ZNF438: variants seen among roughly 807,000 people sequenced by gnomAD.
ZNF438 encodes zinc finger protein 438.
ZNF438 carries 25 observed loss-of-function variants against 38.0 expected under a neutral mutation model. The observed-to-expected ratio is 0.66, with a 90% CI of 0.48 to 0.92. The LOEUF (loss-of-function observed/expected upper bound fraction) is 0.92. ZNF438 is among the 40% of genes least tolerant of loss of function. The pLI, the probability that ZNF438 is intolerant of heterozygous loss-of-function variation, is 0.00. For missense variants in ZNF438, 1,007 were observed against 999.6 expected (o/e 1.01, Z -0.10); for synonymous variants, 372 against 364.1 (o/e 1.02, Z -0.25).
intron 1 of ZNF438, among the ~76,000 whole-genome samples, chr10:30,950,733 A>C (rs967699324): frequency 2.9e-5 from 4 of 139,614 alleles, no homozygotes; most frequent in Non-Finnish European, 6.2e-5. Context: ...CAATAACAGG[A>C]TCTGATACTG....
At chr10:30,870,483 CGGT>C (rs1305826697) in intron 4 of ZNF438, among the ~76,000 whole-genome samples, 1 of 151,686 alleles carries the variant, frequency 6.6e-6, no homozygotes, top group Non-Finnish European at 1.5e-5. Flanking sequence ...TGTTTACTTA[CGGT>C]CTCCAGCATA....
chr10:30,995,954 A>G (rs918152348), intron 1 of ZNF438, among the ~76,000 whole-genome samples: 9 of 152,214 alleles, frequency 5.9e-5, no homozygotes, highest in Non-Finnish European at 1.2e-4. Context: ...AGGTACATCA[A>G]TAATAGCAGA....
intron 4 of ZNF438, among the ~76,000 whole-genome samples, chr10:30,871,451 G>A (rs991644635): frequency 1.3e-5 from 2 of 152,100 alleles, no homozygotes; most frequent in African/African-American, 2.4e-5. Context: ...ATGCCAGGAC[G>A]CTTTAAATCC....
At chr10:31,009,842 CTTTTTTTTTTTTT>C (rs34508005) in intron 1 of ZNF438, among the ~76,000 whole-genome samples, 1 of 116,312 alleles carries the variant, frequency 8.6e-6, no homozygotes, top group East Asian at 3.0e-4. Context: ...CTTATCAATT[CTTTTTTTTTTTTT>C]TTTTTTTTGA....
At chr10:30,876,937 C>A in intron 4 of ZNF438, 61 bp downstream of exon 5, 1 of 1,328,888 alleles carries the variant, frequency 7.5e-7, no homozygotes, top group African/African-American at 1.5e-5. Flanking sequence ...CAATGACATT[C>A]AATGTATCAA....
chr10:30,992,023 G>C (rs1311485571), intron 1 of ZNF438, among the ~76,000 whole-genome samples: 1 of 152,228 alleles, frequency 6.6e-6, no homozygotes, highest in Admixed American at 6.5e-5. Flanking sequence ...CTCAAGGCTT[G>C]CTTCGCTCAG....
At chr10:30,964,580 CTG>C (rs2049908046) in intron 1 of ZNF438, among the ~76,000 whole-genome samples, 1 of 152,160 alleles carries the variant, frequency 6.6e-6, no homozygotes, top group African/African-American at 2.4e-5. Context: ...TAGTATTTTC[CTG>C]GGGGAAAATA....
At chr10:30,948,621 G>A (rs4749644) in intron 1 of ZNF438, among the ~76,000 whole-genome samples, 84,449 of 146,942 alleles carry the variant, frequency 0.57, 24,841 homozygotes, top group African/African-American at 0.71. Context: ...CTCAGGAGCC[G>A]ATGCGATCAA....
At chr10:30,905,082 A>C (rs1290250132) in intron 3 of ZNF438, among the ~76,000 whole-genome samples, 2 of 152,228 alleles carry the variant, frequency 1.3e-5, no homozygotes, top group East Asian at 3.8e-4. Context: ...TATACTTCAC[A>C]TACTGTAACA....
intron 3 of ZNF438, among the ~76,000 whole-genome samples, chr10:30,886,777 G>C (rs1460125284): frequency 1.3e-5 from 2 of 152,292 alleles, no homozygotes; most frequent in East Asian, 3.9e-4. Context: ...AGGTACATCA[G>C]GGACTGTTGG....
intron 3 of ZNF438, among the ~76,000 whole-genome samples, chr10:30,894,313 C>G (rs574487882): frequency 1.3e-5 from 2 of 152,194 alleles, no homozygotes; most frequent in Non-Finnish European, 2.9e-5. Context: ...GAGGACTAGA[C>G]AGTCCAGAGG....
intron 3 of ZNF438, among the ~76,000 whole-genome samples, chr10:30,889,932 A>G (rs960553775): frequency 6.6e-6 from 1 of 151,974 alleles, no homozygotes; most frequent in Non-Finnish European, 1.5e-5. Context: ...AAAATACTTA[A>G]CTCTTTTTGC....
intron 3 of ZNF438, among the ~76,000 whole-genome samples, chr10:30,884,582 T>C (rs1370110267): frequency 6.6e-6 from 1 of 152,164 alleles, no homozygotes; most frequent in African/African-American, 2.4e-5. Flanking sequence ...GAAAAGTATA[T>C]TAAATAGAAA....
At chr10:30,969,629 C>T (rs921493679) in intron 1 of ZNF438, among the ~76,000 whole-genome samples, 3 of 152,064 alleles carry the variant, frequency 2.0e-5, no homozygotes, top group Non-Finnish European at 4.4e-5. Context: ...ATGTGGACCC[C>T]GAAGTATACC....
At chr10:31,004,826 G>C (rs1277111216) in intron 1 of ZNF438, among the ~76,000 whole-genome samples, 1 of 152,168 alleles carries the variant, frequency 6.6e-6, no homozygotes, top group Non-Finnish European at 1.5e-5. Context: ...TGGAAGTCAT[G>C]ATGAGTCATA....
rs749733480 is a variant in ZNF438, at chr10:30,849,510, T to C, written c.895A>G (p.Arg299Gly). Residue 299 changes from arginine (R) to glycine (G), a missense_variant, in exon 5 of 6, where the codon AGA becomes GGA. Transcript: ENST00000413025. Reference sequence around the variant, plus strand: ...TTGTAAACCTCCATTGTCTTCATTCTTGAGTAGGGTGGGATTGGCAGTTTC... The same window carrying C: ...TTGTAAACCTCCATTGTCTTCATTCCTGAGTAGGGTGGGATTGGCAGTTTC... The C allele has an allele frequency of 1.9e-5, 30 of 1,614,134 alleles. No individual in the cohort carries two copies. In the South Asian group the frequency reaches 3.2e-4, roughly 17 times the overall value.
chr10:31,009,028 C>T (rs1053959594), intron 1 of ZNF438, among the ~76,000 whole-genome samples: 1 of 152,312 alleles, frequency 6.6e-6, no homozygotes, highest in South Asian at 2.1e-4. Flanking sequence ...AGCATCTTTT[C>T]GTGTGCTTAT....
chr10:30,933,015 A>T (rs1054358315), intron 2 of ZNF438, among the ~76,000 whole-genome samples: 1 of 152,240 alleles, frequency 6.6e-6, no homozygotes, highest in African/African-American at 2.4e-5. Flanking sequence ...CCTTGACTTT[A>T]GATTTCTAGC....
intron 2 of ZNF438, among the ~76,000 whole-genome samples, chr10:30,936,655 G>C (rs1045530257): frequency 2.5e-4 from 38 of 151,734 alleles, no homozygotes; most frequent in Non-Finnish European, 1.2e-4. Flanking sequence ...GCCTAGGGGA[G>C]GAGCAAGACA....
Sources: gnomAD v4.1 joint callset for allele counts (sites outside exome capture counted in the v4.1 genomes callset) on GRCh38, gnomAD v4.1.1 for gene constraint, MANE v1.5 for transcripts, NCBI Gene and HGNC (gene_info 2026-07-23, HGNC 2026-07-21) for gene names.